Variants in CYP4B1 observed in about 807,000 individuals in gnomAD.
CYP4B1 encodes the protein cytochrome P450 4B1.
CYP4B1 carries 45 observed loss-of-function variants against 54.0 expected under a neutral mutation model. The observed-to-expected ratio is 0.83, with a 90% CI of 0.66 to 1.07. The LOEUF (loss-of-function observed/expected upper bound fraction) is 1.07. CYP4B1 is among the 50% of genes least tolerant of loss of function. CYP4B1 has a pLI of 0.00. For synonymous variants in CYP4B1, 248 were observed against 247.5 expected, an observed-to-expected ratio of 1.00 and a Z score of -0.02; for missense variants, 656 against 655.4, an observed-to-expected ratio of 1.00 and a Z score of -0.01.
Position 46,815,061 on chromosome 1 carries a change from T to C in CYP4B1, c.883-13T>C, listed in dbSNP as rs753120838. ...ATACCTCAAGCTGTCCTATTATGCC[T>C]TCCCTAACCCAGGATGAAGATGACA... is the stretch of plus-strand genomic sequence containing the variant. On this transcript the variant is annotated splice_polypyrimidine_tract_variant and intron_variant, in intron 7 of 11. Coordinates refer to ENST00000371923, the MANE Select transcript of CYP4B1 (RefSeq NM_001099772.2). 3 of 1,610,958 alleles carry C rather than the reference T, an allele frequency of 1.9e-6. No individual in the cohort carries two copies. In the Admixed American group the frequency reaches 5.0e-5, roughly 27 times the overall value.
Position 46,814,335 on chromosome 1 carries a change from C to G in CYP4B1, c.882+20C>G, listed in dbSNP as rs1466175530. The G allele has an allele frequency of 6.3e-7, 1 of 1,585,982 alleles. No homozygotes were observed. The highest frequency in any genetic ancestry group is 1.1e-5 in the South Asian group (1 of 89,366). ...GCCCGGGTGAGTACATTGTTGCCCA[C>G]CCCTACCTGAGGACTGGTCCCAGAG... is the stretch of plus-strand genomic sequence containing the variant. On this transcript the variant is annotated intron_variant, in intron 7 of 11. Coordinates refer to ENST00000371923, the MANE Select transcript of CYP4B1 (RefSeq NM_001099772.2).
rs747049267 is a variant in CYP4B1 at position 46,815,215 on chromosome 1, T to C, written c.1024T>C (p.Cys342Arg). The change falls in exon 8 of 12, where the codon TGT becomes CGT. Residue 342 changes from cysteine to arginine, a missense_variant. Physicochemically the swap from Cys to Arg is radical, Grantham distance 180. Transcript: ENST00000371923. ...CCTGTACCCTGAGCACCAGCATCGT[T>C]GTAGAGAGGAGGTCCGCGAGATCCT... is the stretch of plus-strand genomic sequence containing the variant. ...MALYPEHQHRCREEVREILGD... is the reference protein window; with the variant it reads ...MALYPEHQHRRREEVREILGD... 6.3e-7 allele frequency: 1 copy of C among 1,598,876 alleles called. No individual in the cohort carries two copies. Among genetic ancestry groups the C allele is most frequent in the Non-Finnish European group, 8.5e-7 (1 of 1,171,246 alleles).
chr1:46,808,465 G>T (rs567461371), intron 1 of CYP4B1, among the ~76,000 whole-genome samples: 1 of 151,392 alleles, frequency 6.6e-6, no homozygotes, highest in Admixed American at 6.6e-5. Flanking sequence ...GTCTGTTCAT[G>T]TCCTTCGCCC....
rs558309276 is a variant in CYP4B1 at position 46,817,676 on chromosome 1, A to C, written c.1208-289A>C. On this transcript the variant is annotated intron_variant, in intron 9 of 11. Transcript: ENST00000371923. ...AAGAGTCAGTTAGCTGAAAAGGTTT[A>C]ATAGTTCCTTCCTGTTCTACCTCAT... 4.6e-5 allele frequency among the ~76,000 whole-genome samples: 7 copies of C among 152,340 alleles called. No homozygotes were observed. The East Asian group carries it at 1.3e-3, about 29-fold the overall frequency.
chr1:46,801,237 A>C (rs565700710), intron 1 of CYP4B1, among the ~76,000 whole-genome samples: 14 of 152,176 alleles, frequency 9.2e-5, no homozygotes, highest in Non-Finnish European at 2.1e-4. Context: ...AGTACACAAG[A>C]GGGCCAAGGG....
At chr1:46,807,352 T>C (rs1163393360) in intron 1 of CYP4B1, among the ~76,000 whole-genome samples, 1 of 152,202 alleles carries the variant, frequency 6.6e-6, no homozygotes, top group Non-Finnish European at 1.5e-5. Flanking sequence ...CAAAGGCTCC[T>C]TCCAATCCTA....
At chr1:46,805,990 C>T (rs1342677191) in intron 1 of CYP4B1, among the ~76,000 whole-genome samples, 2 of 152,202 alleles carry the variant, frequency 1.3e-5, no homozygotes, top group Non-Finnish European at 2.9e-5. Context: ...CTTCCCTGGG[C>T]AGTGGGAGCC....
chr1:46,801,257 G>C (rs1394268759), intron 1 of CYP4B1, among the ~76,000 whole-genome samples: 1 of 152,160 alleles, frequency 6.6e-6, no homozygotes, highest in Non-Finnish European at 1.5e-5. Context: ...GAAGGTTGAG[G>C]TCTGACGCTA....
In CYP4B1 at chr1:46,800,962, A is replaced by G. The variant is rs578061016; in HGVS notation, c.180+1701A>G. ...CCCAGGATTCTGCCTTAGCCGCATTATTTTGATCTCAGCACCTGTCCTGTT... is the reference window on the plus strand; with the variant it reads ...CCCAGGATTCTGCCTTAGCCGCATTGTTTTGATCTCAGCACCTGTCCTGTT... On this transcript the variant is annotated intron_variant, in intron 1 of 11. Transcript: ENST00000371923. Among the ~76,000 whole-genome samples, 59 of 152,210 alleles carry G rather than the reference A, an allele frequency of 3.9e-4. 2 individuals carry two copies. The South Asian group carries it at 0.011, about 29-fold the overall frequency.
At chr1:46,807,239 G>A (rs975052392) in intron 1 of CYP4B1, among the ~76,000 whole-genome samples, 3 of 152,208 alleles carry the variant, frequency 2.0e-5, no homozygotes, top group Non-Finnish European at 4.4e-5. Flanking sequence ...TGTGAATGTG[G>A]TCAGCATGAG....
In CYP4B1 at chr1:46,818,924, A is replaced by T; in HGVS notation, c.*110A>T. The T allele has an allele frequency of 1.1e-6, 1 of 947,166 alleles. No individual in the cohort carries two copies. The highest frequency in any genetic ancestry group is 1.6e-5 in the South Asian group (1 of 63,554). 58.7% of individuals were successfully genotyped at this position (947,166 alleles called of 1,614,324 possible). A position where few individuals can be genotyped will look rare whatever the true frequency, so the allele number is the denominator to read the frequency against. On this transcript the variant is annotated 3_prime_UTR_variant, in exon 12 of 12. Coordinates refer to ENST00000371923, the MANE Select transcript of CYP4B1 (RefSeq NM_001099772.2). Reference sequence around the variant, plus strand: ...GGCCCCCTGCCTTCAGGAGGCTTGTAGTTTAGAAGGGAAGTAGGCATTACC... The same window carrying T: ...GGCCCCCTGCCTTCAGGAGGCTTGTTGTTTAGAAGGGAAGTAGGCATTACC...
At chr1:46,809,471 G>A (rs764020820) in intron 1 of CYP4B1, among the ~76,000 whole-genome samples, 9 of 152,200 alleles carry the variant, frequency 5.9e-5, no homozygotes, top group Non-Finnish European at 1.3e-4. Flanking sequence ...GAAAAAGCAG[G>A]CCCAGCACAG....
At chr1:46,806,545 A>G (rs1271213434) in intron 1 of CYP4B1, among the ~76,000 whole-genome samples, 1 of 152,194 alleles carries the variant, frequency 6.6e-6, no homozygotes, top group Non-Finnish European at 1.5e-5. Context: ...TTTGTACCGC[A>G]CGTTTCCACC....
intron 1 of CYP4B1, among the ~76,000 whole-genome samples, chr1:46,808,391 G>T (rs1400217327): frequency 6.6e-6 from 1 of 151,784 alleles, no homozygotes. Context: ...TTCTCTGATG[G>T]CCAGTGATGA....
At chr1:46,800,024 T>A (rs1678548899) in intron 1 of CYP4B1, among the ~76,000 whole-genome samples, 1 of 152,192 alleles carries the variant, frequency 6.6e-6, no homozygotes, top group Non-Finnish European at 1.5e-5. Context: ...AGATTGGAAC[T>A]AGGAGTTTAC....
chr1:46,812,483 A>G lies in CYP4B1; in HGVS notation c.368-13A>G. 1 of 1,608,632 alleles carries G rather than the reference A, an allele frequency of 6.2e-7. No homozygotes were observed. Among genetic ancestry groups the G allele is most frequent in the South Asian group, 1.1e-5 (1 of 90,132 alleles). On this transcript the variant is annotated splice_polypyrimidine_tract_variant and intron_variant, in intron 3 of 11. Transcript: ENST00000371923. ...TGGACTGACCAGCCCTCTCTCTCCC[A>G]TCCCTTCCCCAGGGAGAGGCCTGCT...
At chr1:46,814,896 G>C in intron 7 of CYP4B1, 178 bp from the exon 8 acceptor site, 1 of 607,828 alleles carries the variant, frequency 1.6e-6, no homozygotes, top group Non-Finnish European at 2.9e-6. Context: ...TGGAGGAGGA[G>C]GCATCCAGGC....
At chr1:46,800,213 TTC>T (rs373138154) in intron 1 of CYP4B1, among the ~76,000 whole-genome samples, 1,960 of 24,636 alleles carry the variant, frequency 0.08, 337 homozygotes, top group Middle Eastern at 0.11. Context: ...CTTTCTTTCT[TTC>T]TCTTTCTCTC....
intron 1 of CYP4B1, among the ~76,000 whole-genome samples, chr1:46,801,384 G>C (rs77004488): frequency 0.024 from 3,636 of 152,284 alleles, 152 homozygotes; most frequent in African/African-American, 0.083. Flanking sequence ...CTTTAGGACA[G>C]GGACCTTGCA....
Sources: gnomAD v4.1 joint callset for allele counts (sites outside exome capture counted in the v4.1 genomes callset) on GRCh38, gnomAD v4.1.1 for gene constraint, MANE v1.5 for transcripts, NCBI Gene and HGNC (gene_info 2026-07-23, HGNC 2026-07-21) for gene names.